GPM6A: variants seen among roughly 807,000 people sequenced by gnomAD.
GPM6A encodes the protein glycoprotein M6A.
GPM6A carries 7 observed loss-of-function variants against 32.1 expected under a neutral mutation model. The ratio of observed to expected loss-of-function variants is 0.22; its 90% CI spans 0.12 to 0.41. The LOEUF (loss-of-function observed/expected upper bound fraction) is 0.41. Ranked by LOEUF, GPM6A falls within the 10% of genes least tolerant of loss-of-function variation. The probability of loss-of-function intolerance (pLI) is 1.00; values close to 1 mark genes in which losing one functional copy is unlikely to be tolerated. For missense variants in GPM6A, 235 were observed against 347.2 expected, an observed-to-expected ratio of 0.68 and a Z score of 2.57; for synonymous variants, 130 against 123.4, an observed-to-expected ratio of 1.05 and a Z score of -0.35.
At chr4:175,706,510 C>T (rs1745198419) in intron 1 of GPM6A, among the ~76,000 whole-genome samples, 1 of 152,200 alleles carries the variant, frequency 6.6e-6, no homozygotes, top group South Asian at 2.1e-4. Flanking sequence ...TTACAATAGA[C>T]TGACAATTGA....
At chr4:175,853,753 C>T (rs1462759351) in intron 1 of GPM6A, among the ~76,000 whole-genome samples, 2 of 152,074 alleles carry the variant, frequency 1.3e-5, no homozygotes, top group African/African-American at 4.8e-5. Context: ...CTAAGTAGTA[C>T]TTTTGTGTGA....
At chr4:175,799,304 T>C (rs1367279009) in intron 1 of GPM6A, among the ~76,000 whole-genome samples, 1 of 152,068 alleles carries the variant, frequency 6.6e-6, no homozygotes, top group Non-Finnish European at 1.5e-5. Flanking sequence ...ATACATGCAG[T>C]TCTTTAATTT....
intron 1 of GPM6A, among the ~76,000 whole-genome samples, chr4:175,846,513 G>C (rs1313094482): frequency 6.6e-6 from 1 of 152,080 alleles, no homozygotes; most frequent in Non-Finnish European, 1.5e-5. Context: ...AGCCTTTAAC[G>C]TGAGAGGCAC....
intron 1 of GPM6A, among the ~76,000 whole-genome samples, chr4:175,861,622 C>T (rs1423910942): frequency 6.6e-6 from 1 of 151,388 alleles, no homozygotes; most frequent in Non-Finnish European, 1.5e-5. Flanking sequence ...CGTGGTGGCC[C>T]ACACTGTAAT....
intron 1 of GPM6A, among the ~76,000 whole-genome samples, chr4:175,844,102 A>G (rs1322714334): frequency 6.6e-6 from 1 of 152,184 alleles, no homozygotes; most frequent in Non-Finnish European, 1.5e-5. Flanking sequence ...GTAAATCCCA[A>G]GTTCTCTTTG....
intron 1 of GPM6A, among the ~76,000 whole-genome samples, chr4:175,878,630 G>T (rs73010154): frequency 3.9e-5 from 6 of 152,062 alleles, no homozygotes; most frequent in Non-Finnish European, 7.4e-5. Flanking sequence ...TGGCTCAAAA[G>T]ATCATTTTTT....
At chr4:175,965,383 G>GA (rs540476797) in intron 1 of GPM6A, among the ~76,000 whole-genome samples, 15 of 149,636 alleles carry the variant, frequency 1.0e-4, no homozygotes, top group South Asian at 6.3e-4. Context: ...AAGAAAACTA[G>GA]AAAAAAAAGA....
chr4:175,709,359 G>A (rs1745398984), intron 1 of GPM6A, among the ~76,000 whole-genome samples: 1 of 148,300 alleles, frequency 6.7e-6, no homozygotes, highest in Non-Finnish European at 1.5e-5. Flanking sequence ...CTCTCTGTCT[G>A]TCTTTCTTTT....
intron 1 of GPM6A, among the ~76,000 whole-genome samples, chr4:175,949,142 C>G (rs1350290283): frequency 1.3e-5 from 2 of 152,054 alleles, no homozygotes; most frequent in African/African-American, 2.4e-5. Flanking sequence ...AAGAAATACT[C>G]AGAAATATCA....
At chr4:175,892,938 GTCTCCTC>G (rs572781486) in intron 1 of GPM6A, among the ~76,000 whole-genome samples, 40 of 152,308 alleles carry the variant, frequency 2.6e-4, no homozygotes, top group Non-Finnish European at 5.3e-4. Flanking sequence ...CTCTGTTGAT[GTCTCCTC>G]TCTTTGGAGT....
At chr4:175,889,255 C>T (rs1737555944) in intron 1 of GPM6A, among the ~76,000 whole-genome samples, 1 of 152,016 alleles carries the variant, frequency 6.6e-6, no homozygotes, top group Non-Finnish European at 1.5e-5. Context: ...ATAATACAAA[C>T]AATTTTTTTA....
intron 1 of GPM6A, among the ~76,000 whole-genome samples, chr4:175,910,001 A>G (rs949699958): frequency 6.6e-6 from 1 of 152,158 alleles, no homozygotes; most frequent in African/African-American, 2.4e-5. Context: ...GGGGCATGTT[A>G]TGGTCCAGTG....
chr4:175,922,151 A>G (rs1269430577), intron 1 of GPM6A, among the ~76,000 whole-genome samples: 1 of 152,212 alleles, frequency 6.6e-6, no homozygotes, highest in Non-Finnish European at 1.5e-5. Context: ...TGAAGGGTTA[A>G]TGTGAAGATT....
chr4:175,769,609 C>T (rs188328954), intron 1 of GPM6A, among the ~76,000 whole-genome samples: 1 of 148,396 alleles, frequency 6.7e-6, no homozygotes, highest in African/African-American at 2.5e-5. Context: ...GGTTGTATGC[C>T]AGCCAACTTT....
chr4:175,914,989 A>G (rs2111515207), intron 1 of GPM6A, among the ~76,000 whole-genome samples: 1 of 152,270 alleles, frequency 6.6e-6, no homozygotes, highest in East Asian at 1.9e-4. Context: ...TTTAATTAAT[A>G]TTGATTTTAA....
At chr4:175,921,292 T>C (rs1738657302) in intron 1 of GPM6A, among the ~76,000 whole-genome samples, 1 of 152,158 alleles carries the variant, frequency 6.6e-6, no homozygotes, top group South Asian at 2.1e-4. Flanking sequence ...CAAAAAATAA[T>C]ATTCCATCTC....
intron 2 of GPM6A, among the ~76,000 whole-genome samples, chr4:175,689,516 T>C (rs1013064410): frequency 2.0e-5 from 3 of 152,168 alleles, no homozygotes; most frequent in African/African-American, 7.2e-5. Context: ...TCTTAAATTT[T>C]TTAAGCCTTG....
At chr4:175,735,948 A>T (rs2111154902) in intron 1 of GPM6A, among the ~76,000 whole-genome samples, 1 of 152,338 alleles carries the variant, frequency 6.6e-6, no homozygotes, top group South Asian at 2.1e-4. Flanking sequence ...TAAAAATATA[A>T]AGGCAGTCAC....
intron 1 of GPM6A, among the ~76,000 whole-genome samples, chr4:175,925,396 C>G (rs892217401): frequency 6.6e-6 from 1 of 152,022 alleles, no homozygotes; most frequent in Non-Finnish European, 1.5e-5. Context: ...GTTAAATAAT[C>G]CTGTGTCATA....
Sources: allele counts gnomAD v4.1 joint callset (sites outside exome capture counted in the v4.1 genomes callset), GRCh38; gene constraint gnomAD v4.1.1; transcripts MANE v1.5; gene names NCBI Gene and HGNC (gene_info 2026-07-23, HGNC 2026-07-21).